Variants in TEP1 observed in about 807,000 individuals in gnomAD.
TEP1 encodes the protein telomerase associated protein 1.
TEP1 carries 241 observed loss-of-function variants against 306.3 expected under a neutral mutation model. That is an observed-to-expected ratio of 0.79 (90% CI 0.71 to 0.88). TEP1 has a LOEUF of 0.88. Ranked by LOEUF, TEP1 falls within the 40% of genes least tolerant of loss-of-function variation. The pLI, the probability that TEP1 is intolerant of heterozygous loss-of-function variation, is 0.00. For synonymous variants in TEP1, 1,289 were observed against 1,305.5 expected, an observed-to-expected ratio of 0.99 and a Z score of 0.27; for missense variants, 3,051 against 3,276.1, an observed-to-expected ratio of 0.93 and a Z score of 1.68.
chr14:20,382,135 C>G (rs1876621835), intron 29 of TEP1, 72 bp from the exon 30 acceptor site: 2 of 1,611,208 alleles, frequency 1.2e-6, no homozygotes, highest in Middle Eastern at 1.6e-4. Flanking sequence ...CCCAGTCTCT[C>G]CTTGAACTGC....
chr14:20,400,090 T>C (rs568168457), intron 9 of TEP1, among the ~76,000 whole-genome samples: 19 of 143,430 alleles, frequency 1.3e-4, no homozygotes, highest in African/African-American at 4.7e-4. Context: ...TGAGCCAAGA[T>C]TGCGCCATTG....
In TEP1 at chr14:20,401,013, T is replaced by A; in HGVS notation, c.1520A>T (p.Asn507Ile). The change falls in exon 9 of 55, where the codon AAC (asparagine) becomes ATC (isoleucine). Residue 507 changes from asparagine (N) to isoleucine (I), a missense_variant. Asn to Ile is a moderately radical substitution (Grantham distance 149). Coordinates refer to ENST00000262715, the MANE Select transcript of TEP1 (RefSeq NM_007110.5). ...TWERELSLRG[N>I]KASVWEELIE... The stretch of plus-strand genomic sequence containing the variant: ...GAGTTCCTCCCAGACCGACGCTTTG[T>A]TCCCCCGTAGGCTCAGCTCCCGCTC... The A allele has an allele frequency of 6.2e-7, 1 of 1,614,226 alleles. No individual in the cohort carries two copies. Among genetic ancestry groups the A allele is most frequent in the Non-Finnish European group, 8.5e-7 (1 of 1,180,034 alleles).
At chr14:20,396,241 G>A (rs1378626235) in intron 10 of TEP1, among the ~76,000 whole-genome samples, 1 of 152,226 alleles carries the variant, frequency 6.6e-6, no homozygotes, top group Non-Finnish European at 1.5e-5. Context: ...GCCTTAGGCA[G>A]GTGGACTGCC....
At chr14:20,383,404 C>T (rs756923725) in intron 26 of TEP1, 51 bp from the exon 27 acceptor site, 1 of 1,604,742 alleles carries the variant, frequency 6.2e-7, no homozygotes, top group Non-Finnish European at 8.5e-7. Context: ...AGGAGAACCA[C>T]ATTGGAGAGG....
At chr14:20,374,379 C>T (rs1885045402) in intron 44 of TEP1, 50 bp downstream of exon 44, 12 of 1,405,494 alleles carry the variant, frequency 8.5e-6, no homozygotes, top group Non-Finnish European at 1.2e-5. Flanking sequence ...TCCCAAAGCC[C>T]CCTTAGCCCT....
chr14:20,370,294 T>G (rs940832129), intron 51 of TEP1, among the ~76,000 whole-genome samples: 5 of 152,234 alleles, frequency 3.3e-5, no homozygotes, highest in African/African-American at 1.2e-4. Context: ...CAGATCAAGA[T>G]GTAGAGCATT....
rs1316548151 is a variant in TEP1, at chr14:20,381,067, C to A, written c.4648-22G>T. ...GGAGCTGAGAAGGTCAGATTGAATT[C>A]ATTAGGGATATGAAGGGGCTGGTGA... On this transcript the variant is annotated intron_variant, in intron 32 of 54. Transcript: ENST00000262715. This position sits in a 1 kb window ranked among gnomAD's most constrained non-coding sequence, Gnocchi z 4.0. 3 of 1,596,054 alleles carry A rather than the reference C, an allele frequency of 1.9e-6. No homozygotes were observed. The highest frequency in any genetic ancestry group is 3.3e-5 in the Admixed American group (2 of 59,942).
chr14:20,402,411 G>A (rs894718851), intron 7 of TEP1, among the ~76,000 whole-genome samples: 2 of 152,146 alleles, frequency 1.3e-5, no homozygotes, highest in African/African-American at 4.8e-5. Context: ...GAGAAAAGAC[G>A]AGTTGACCAA....
At chr14:20,395,828 C>T (rs759230960) in intron 11 of TEP1, 31 bp downstream of exon 11, 49 of 1,598,876 alleles carry the variant, frequency 3.1e-5, no homozygotes. Flanking sequence ...ATGTGGGAGG[C>T]AAAGAGGAGT....
chr14:20,381,384 A>C lies in TEP1; in HGVS notation c.4576T>G (p.Cys1526Gly). 6.2e-7 allele frequency: 1 copy of C among 1,614,134 alleles called. No individual in the cohort carries two copies. The highest frequency in any genetic ancestry group is 8.5e-7 in the Non-Finnish European group (1 of 1,180,014). Residue 1526 changes from cysteine (C) to glycine (G), a missense_variant, in exon 32 of 55, where the codon TGT becomes GGT. Physicochemically the swap from Cys to Gly is radical, Grantham distance 159. Coordinates refer to ENST00000262715, the MANE Select transcript of TEP1 (RefSeq NM_007110.5). This position sits in a 1 kb window ranked among gnomAD's most constrained non-coding sequence, Gnocchi z 4.0. Reference protein sequence around the residue: ...ILIAAQLWKTCDADASGTFRS... With the variant: ...ILIAAQLWKTGDADASGTFRS... ...AAGGTGCCTGAGGCATCAGCGTCAC[A>C]TGTCTTCCAGAGCTGAGCTGCATGA...
In TEP1 at chr14:20,391,104, G is replaced by A; in HGVS notation, c.2098-8C>T. On this transcript the variant is annotated splice_region_variant and splice_polypyrimidine_tract_variant and intron_variant, in intron 13 of 54. Transcript: ENST00000262715. ...TGCATAGTTCAGCGGGGGCTGATTG[G>A]ACAAGTGTCAGGGGAAATAAAGCTC... is the stretch of plus-strand genomic sequence containing the variant. 1.2e-6 allele frequency: 2 copies of A among 1,613,560 alleles called. No individual in the cohort carries two copies. The highest frequency in any genetic ancestry group is 1.1e-5 in the South Asian group (1 of 91,054).
At chr14:20,385,984 T>C (rs1043872438) in intron 20 of TEP1, 91 bp downstream of exon 20, 1 of 1,481,814 alleles carries the variant, frequency 6.7e-7, no homozygotes, top group Non-Finnish European at 8.9e-7. Context: ...CTGTTCATAG[T>C]TGCAGGGTTT....
chr14:20,407,454 C>A (rs560875045), intron 2 of TEP1, among the ~76,000 whole-genome samples: 1 of 152,288 alleles, frequency 6.6e-6, no homozygotes, highest in South Asian at 2.1e-4. Context: ...AATTCTCGTG[C>A]CTCAGCCTCC....
At chr14:20,410,815 T>G (rs1357138287) in intron 1 of TEP1, among the ~76,000 whole-genome samples, 2 of 145,332 alleles carry the variant, frequency 1.4e-5, no homozygotes, top group African/African-American at 5.1e-5. Context: ...TTTTTTTTTT[T>G]TTTTTTTTTT....
At chr14:20,405,312 C>T (rs1247544247) in intron 4 of TEP1, 139 bp downstream of exon 4, 2 of 1,173,090 alleles carry the variant, frequency 1.7e-6, no homozygotes, top group Admixed American at 2.1e-5. Context: ...GACTAGGCCG[C>T]AGACTCACCC....
Position 20,387,551 on chromosome 14 carries a change from C to CAAAAAAAAAA in TEP1, c.2684+344_2684+353dup, listed in dbSNP as rs34816712. On this transcript the variant is annotated intron_variant, in intron 18 of 54. Coordinates refer to ENST00000262715, the MANE Select transcript of TEP1 (RefSeq NM_007110.5). ...TGGGCGACACAGCGAGACTCCGTCT[C>CAAAAAAAAAA]AAAAAAAAAAAGAAATTAAGCAACT... Among the ~76,000 whole-genome samples, 110 of 127,668 alleles carry CAAAAAAAAAA rather than the reference C, an allele frequency of 8.6e-4. 2 individuals are homozygous for CAAAAAAAAAA. Among genetic ancestry groups the CAAAAAAAAAA allele is most frequent in the Middle Eastern group, 4.0e-3 (1 of 250 alleles). 83.8% of individuals were successfully genotyped at this position (127,668 alleles called of 152,430 possible).
intron 14 of TEP1, 64 bp from the exon 15 acceptor site, chr14:20,390,822 G>A: frequency 9.9e-6 from 16 of 1,613,052 alleles, no homozygotes; most frequent in Non-Finnish European, 1.4e-5. Context: ...CAGTCTTGCA[G>A]TCTGCTTGGG....
intron 34 of TEP1, 81 bp from the exon 35 acceptor site, chr14:20,380,134 A>G: frequency 6.3e-7 from 1 of 1,581,800 alleles, no homozygotes; most frequent in Non-Finnish European, 8.6e-7. Flanking sequence ...CTGTGCCTGG[A>G]TCCCTCTCCA....
Position 20,403,372 on chromosome 14 carries a change from C to T in TEP1, c.1266+5G>A, listed in dbSNP as rs777755594. On this transcript the variant is annotated splice_donor_5th_base_variant and intron_variant, in intron 7 of 54. Coordinates refer to ENST00000262715, the MANE Select transcript of TEP1 (RefSeq NM_007110.5). ...ACATATACAACCCCAGAAGAAGGGA[C>T]TCACCTTTCTCTGCTCTTCTCTGAG... 4.3e-6 allele frequency: 7 copies of T among 1,614,036 alleles called. No homozygotes were observed. The highest frequency in any genetic ancestry group is 2.2e-5 in the East Asian group (1 of 44,874).
Sources: gnomAD v4.1 joint callset for allele counts (sites outside exome capture counted in the v4.1 genomes callset) on GRCh38, gnomAD v4.1.1 for gene constraint, Gnocchi (gnomAD v3.1) non-coding constraint, MANE v1.5 for transcripts, NCBI Gene and HGNC (gene_info 2026-07-23, HGNC 2026-07-21) for gene names.